Variants in RYR1 observed in about 807,000 individuals in gnomAD.
The protein encoded by RYR1 is ryanodine receptor 1, also known as central core disease of muscle.
Under a neutral mutation model 583.5 loss-of-function variants are expected in RYR1, and 342 were observed. The ratio of observed to expected loss-of-function variants is 0.59; its 90% CI spans 0.54 to 0.64. The LOEUF (loss-of-function observed/expected upper bound fraction) is 0.64. RYR1 is among the 30% of genes least tolerant of loss of function. The probability of loss-of-function intolerance (pLI) is 0.00; values close to 1 mark genes in which losing one functional copy is unlikely to be tolerated. For synonymous variants in RYR1, 2,791 were observed against 2,822.5 expected, an observed-to-expected ratio of 0.99 and a Z score of 0.35; for missense variants, 6,032 against 6,917.2, an observed-to-expected ratio of 0.87 and a Z score of 4.54.
In RYR1 at chr19:38,584,853, C is replaced by A. The variant is rs1974396910; in HGVS notation, c.14647-90C>A. The A allele has an allele frequency of 3.9e-6, 6 of 1,519,640 alleles. No individual in the cohort carries two copies. In the Admixed American group the frequency reaches 8.9e-5, roughly 23 times the overall value. 94.1% of individuals were successfully genotyped at this position (1,519,640 alleles called of 1,614,324 possible). A position where few individuals can be genotyped will look rare whatever the true frequency, so the allele number is the denominator to read the frequency against. Reference sequence around the variant, plus strand: ...GGGCCCAGGGCTGTCTCAGTCGTTACCATGTCTTCAGCCCTGCCTATCCCG... The same window carrying A: ...GGGCCCAGGGCTGTCTCAGTCGTTAACATGTCTTCAGCCCTGCCTATCCCG... On this transcript the variant is annotated intron_variant, in intron 101 of 105. Coordinates refer to ENST00000359596, the MANE Select transcript of RYR1 (RefSeq NM_000540.3).
Position 38,565,475 on chromosome 19 carries a change from G to A in RYR1, c.13141G>A (p.Ala4381Thr). ...AKKVTVTELL[A>T]GMPDPTSDEV... ...GAAGGTGACGGTGACCGAGCTCCTG[G>A]CAGGCATGCCCGACCCCACCAGCGA... Residue 4381 changes from alanine (A) to threonine (T), a missense_variant, in exon 91 of 106, where the codon GCA becomes ACA. Ala to Thr is a moderately conservative substitution (Grantham distance 58, BLOSUM62 0). Around this residue, in one of 11 missense-constraint regions of RYR1, gnomAD observed 753 missense variants for 759.6 expected, o/e 0.99. Transcript: ENST00000359596. This position sits in a 1 kb window ranked among gnomAD's most constrained non-coding sequence, Gnocchi z 4.7. 2 of 1,505,048 alleles carry A rather than the reference G, an allele frequency of 1.3e-6. No individual in the cohort carries two copies. Among genetic ancestry groups the A allele is most frequent in the Non-Finnish European group, 8.8e-7 (1 of 1,134,420 alleles). The allele number at this position is 1,505,048 out of a possible 1,614,324, so 93.2% of individuals were successfully genotyped here.
chr19:38,523,997 G>GC, intron 70 of RYR1, 68 bp downstream of exon 70: 1 of 1,562,284 alleles, frequency 6.4e-7, no homozygotes, highest in Non-Finnish European at 8.7e-7. Flanking sequence ...GCCTCTGCAC[G>GC]CCCCCGCCTC....
chr19:38,564,925 G>T lies in RYR1; in HGVS notation c.12625-34G>T, dbSNP rs376492480. 2,140 of 1,554,470 alleles carry T rather than the reference G, an allele frequency of 1.4e-3. 4 individuals are homozygous for T. Among genetic ancestry groups the T allele is most frequent in the Middle Eastern group, 6.3e-3 (33 of 5,270 alleles). ...CGCTGCTGTCCGAGCCCCCGCTGAC[G>T]GCGCCCTATCCTGTCTGCCGCCCCT... On this transcript the variant is annotated intron_variant, in intron 90 of 105. Transcript: ENST00000359596.
chr19:38,499,299 C>T lies in RYR1; in HGVS notation c.7027+56C>T, dbSNP rs1274936448. On this transcript the variant is annotated intron_variant, in intron 43 of 105. Coordinates refer to ENST00000359596, the MANE Select transcript of RYR1 (RefSeq NM_000540.3). This position sits in a 1 kb window ranked among gnomAD's most constrained non-coding sequence, Gnocchi z 7.3. ...AAGTATGGAGTCACTGGTCACACAC[C>T]TCCCTCGAGATGACTGCTCGCACCC... is the stretch of plus-strand genomic sequence containing the variant. The T allele has an allele frequency of 3.7e-6, 6 of 1,613,030 alleles. No homozygotes were observed. In the East Asian group the frequency reaches 6.7e-5, roughly 18 times the overall value.
chr19:38,562,326 C>T (rs981472909), intron 90 of RYR1, among the ~76,000 whole-genome samples: 1 of 152,076 alleles, frequency 6.6e-6, no homozygotes, highest in African/African-American at 2.4e-5. Flanking sequence ...CACGTGGTCC[C>T]GGCATGTCCC....
rs901864793 is a variant in RYR1, at chr19:38,512,401, C to T, written c.9390C>T (p.Thr3130=). The T allele has an allele frequency of 1.9e-6, 3 of 1,614,004 alleles. No individual in the cohort carries two copies. In the South Asian group the frequency reaches 3.3e-5, roughly 18 times the overall value. Residue 3130 remains threonine, a synonymous_variant, in exon 63 of 106, where the codon ACC becomes ACT. Transcript: ENST00000359596. The surrounding 1 kb of genome is among the most constrained non-coding windows in gnomAD (Gnocchi z 5.1). ...TQVKGVGQNL[T]YTTVALLPVL... ...TGAAAGGCGTGGGCCAGAACCTCAC[C>T]TACACCACTGTGGCACTGCTGCCGG...
In RYR1 at chr19:38,446,560, G is replaced by A. The variant is rs1471870480; in HGVS notation, c.720G>A (p.Gln240=). ...LTISPADSDD[Q]RRLVYYEGGA... is the part of the protein sequence containing the mutation. ...TTTCCCCTGCTGACAGTGATGACCA[G>A]CGCAGGTCTGGGCTGTGGACGAGAG... Residue 240 remains glutamine (Q), a synonymous_variant, in exon 8 of 106, where the codon CAG becomes CAA. Transcript: ENST00000359596. 6.2e-7 allele frequency: 1 copy of A among 1,613,892 alleles called. No homozygotes were observed. Among genetic ancestry groups the A allele is most frequent in the African/African-American group, 1.3e-5 (1 of 74,932 alleles).
At chr19:38,481,125 T>C (rs1158978414) in intron 31 of RYR1, among the ~76,000 whole-genome samples, 2 of 151,910 alleles carry the variant, frequency 1.3e-5, no homozygotes, top group Non-Finnish European at 2.9e-5. Context: ...ACCTTATTTA[T>C]TTATTTATTT....
chr19:38,505,875 G>A lies in RYR1; in HGVS notation c.8470G>A (p.Glu2824Lys), dbSNP rs1970421312. ...KAMIAWEWTI[E>K]KAREGEEEKT... The stretch of plus-strand genomic sequence containing the variant: ...CATGATTGCCTGGGAATGGACGATA[G>A]AGAAGGCCAGGGAGGGTGAGGAGGA... The change falls in exon 54 of 106, where the codon GAG becomes AAG. Residue 2824 changes from glutamate to lysine, a missense_variant. By Grantham distance (56) the Glu-to-Lys change is moderately conservative (BLOSUM62 1). Transcript: ENST00000359596. 1.2e-6 allele frequency: 2 copies of A among 1,614,152 alleles called. No individual in the cohort carries two copies. The highest frequency in any genetic ancestry group is 4.5e-5 in the East Asian group (2 of 44,884).
intron 76 of RYR1, among the ~76,000 whole-genome samples, chr19:38,531,928 C>A (rs1199147873): frequency 6.6e-6 from 1 of 152,070 alleles, no homozygotes; most frequent in Non-Finnish European, 1.5e-5. Context: ...ACAAACAAAA[C>A]AACTCCCAGA....
chr19:38,493,985 CAG>C (rs1969680132), intron 38 of RYR1, among the ~76,000 whole-genome samples: 1 of 152,000 alleles, frequency 6.6e-6, no homozygotes, highest in Non-Finnish European at 1.5e-5. Context: ...GTGAACAGAA[CAG>C]AGAGATTCTT....
chr19:38,562,282 T>C lies in RYR1; in HGVS notation c.12624+828T>C, dbSNP rs190380361. On this transcript the variant is annotated intron_variant, in intron 90 of 105. Coordinates refer to ENST00000359596, the MANE Select transcript of RYR1 (RefSeq NM_000540.3). ...TGCCCAGCCCACAAATGCTTGAACA[T>C]CCCTCACACACTCGCTTGCCCCAAG... is the stretch of plus-strand genomic sequence containing the variant. 8.9e-3 allele frequency among the ~76,000 whole-genome samples: 1,349 copies of C among 152,098 alleles called. 36 individuals carry two copies. Among genetic ancestry groups the C allele is most frequent in the East Asian group, 0.076 (392 of 5,144 alleles).
chr19:38,567,641 C>A, intron 92 of RYR1, 132 bp from the exon 93 acceptor site: 1 of 1,285,550 alleles, frequency 7.8e-7, no homozygotes, highest in Non-Finnish European at 1.1e-6. Context: ...ATTATCTCAT[C>A]ATCCCATGTA....
chr19:38,565,760 A>G lies in RYR1; in HGVS notation c.13426A>G (p.Arg4476Gly). Reference sequence around the variant, plus strand: ...ACCCGAGGGCTCTCCCATCCTCAAGAGGAAATTGGGGGTGAGAGAGCAGGC... The same window carrying G: ...ACCCGAGGGCTCTCCCATCCTCAAGGGGAAATTGGGGGTGAGAGAGCAGGC... ...PTPEGSPILK[R>G]KLGVDGVEEE... The change falls in exon 91 of 106, where the codon AGG becomes GGG. Residue 4476 changes from arginine (R) to glycine (G), a missense_variant. Coordinates refer to ENST00000359596, the MANE Select transcript of RYR1 (RefSeq NM_000540.3). This position sits in a 1 kb window ranked among gnomAD's most constrained non-coding sequence, Gnocchi z 4.7. 2.1e-6 allele frequency: 3 copies of G among 1,407,050 alleles called. No individual in the cohort carries two copies. The highest frequency in any genetic ancestry group is 2.8e-6 in the Non-Finnish European group (3 of 1,088,924). The allele number at this position is 1,407,050 out of a possible 1,614,324, so 87.2% of individuals were successfully genotyped here.
chr19:38,570,193 C>T (rs1248527271), intron 93 of RYR1, among the ~76,000 whole-genome samples: 1 of 151,672 alleles, frequency 6.6e-6, no homozygotes, highest in East Asian at 1.9e-4. Context: ...CGTGGTGGCT[C>T]AAGCCTGTAA....
chr19:38,483,284 C>T lies in RYR1; in HGVS notation c.4708-6C>T, dbSNP rs1416198022. 2.6e-6 allele frequency: 4 copies of T among 1,560,822 alleles called. No homozygotes were observed. Among genetic ancestry groups the T allele is most frequent in the Non-Finnish European group, 3.5e-6 (4 of 1,152,778 alleles). ...TCTTGACCCATGTGTGTCTCTCTGCCCTCAGAACATCATGCCGTTGTCAGC... is the reference window on the plus strand; with the variant it reads ...TCTTGACCCATGTGTGTCTCTCTGCTCTCAGAACATCATGCCGTTGTCAGC... On this transcript the variant is annotated splice_region_variant and splice_polypyrimidine_tract_variant and intron_variant, in intron 32 of 105. Transcript: ENST00000359596. This position sits in a 1 kb window ranked among gnomAD's most constrained non-coding sequence, Gnocchi z 6.3.
intron 27 of RYR1, among the ~76,000 whole-genome samples, chr19:38,471,266 C>T (rs114332780): frequency 0.011 from 1,726 of 152,248 alleles, 38 homozygotes; most frequent in African/African-American, 0.04. Context: ...CGGTGGCTCA[C>T]GCCTGTAATC....
chr19:38,457,288 C>A (rs1967463624), intron 16 of RYR1, among the ~76,000 whole-genome samples: 1 of 152,004 alleles, frequency 6.6e-6, no homozygotes, highest in Non-Finnish European at 1.5e-5. Flanking sequence ...ATGTGACCCT[C>A]CCTCAGCCTC....
At chr19:38,472,026 G>A (rs894257151) in intron 27 of RYR1, among the ~76,000 whole-genome samples, 7 of 151,950 alleles carry the variant, frequency 4.6e-5, no homozygotes, top group Admixed American at 3.3e-4. Context: ...AGAGGTCAAC[G>A]TGAGGAGGGG....
Sources: gnomAD v4.1 joint callset for allele counts (sites outside exome capture counted in the v4.1 genomes callset) on GRCh38, gnomAD v4.1.1 for gene constraint, gnomAD v4.1.1 regional missense constraint, Gnocchi (gnomAD v3.1) non-coding constraint, MANE v1.5 for transcripts, NCBI Gene and HGNC (gene_info 2026-07-23, HGNC 2026-07-21) for gene names.